AGBL1: variants seen among roughly 807,000 people sequenced by gnomAD.
The protein encoded by AGBL1 is AGBL carboxypeptidase 1.
A neutral mutation model predicts 118.9 loss-of-function variants in AGBL1; 130 were observed. That is an observed-to-expected ratio of 1.09 (90% CI 0.95 to 1.26). The LOEUF (loss-of-function observed/expected upper bound fraction) is 1.26. Among genes scored for constraint, AGBL1 ranks in the 50% most tolerant of loss-of-function variants. AGBL1 has a pLI of 0.00. For synonymous variants in AGBL1, 555 were observed against 478.9 expected, an observed-to-expected ratio of 1.16 and a Z score of -2.08; for missense variants, 1,584 against 1,298.1, an observed-to-expected ratio of 1.22 and a Z score of -3.38.
chr15:86,156,725 A>G (rs998961941), intron 4 of AGBL1, among the ~76,000 whole-genome samples: 1 of 146,480 alleles, frequency 6.8e-6, no homozygotes, highest in Admixed American at 6.8e-5. Context: ...GTGACTTTTT[A>G]TTTCTAATTA....
In AGBL1 at chr15:86,940,672, C is replaced by T. The variant is rs13380120; in HGVS notation, c.3222-47315C>T. 9.6e-3 allele frequency among the ~76,000 whole-genome samples: 1,460 copies of T among 152,264 alleles called. 22 individuals carry two copies. Among genetic ancestry groups the T allele is most frequent in the African/African-American group, 0.034 (1,404 of 41,548 alleles). ...CATCACCAAACCAAAACTGAGTTATCCAACTTGAGAAATCTGGAGGGAGAG... is the reference window on the plus strand; with the variant it reads ...CATCACCAAACCAAAACTGAGTTATTCAACTTGAGAAATCTGGAGGGAGAG... On this transcript the variant is annotated intron_variant, in intron 23 of 24. Transcript: ENST00000441037.
intron 17 of AGBL1, among the ~76,000 whole-genome samples, chr15:86,344,697 A>G (rs1169563446): frequency 1.3e-5 from 2 of 152,056 alleles, no homozygotes; most frequent in Non-Finnish European, 2.9e-5. Flanking sequence ...TAACACCTCC[A>G]TATGTGATTT....
In AGBL1 at chr15:86,958,221, A is replaced by G. The variant is rs542018527; in HGVS notation, c.3222-29766A>G. ...TCTTGTTTCTTAAAAAAAAAAAAAA[A>G]AAAGAAAAGAAAATGAAAGATGGTA... On this transcript the variant is annotated intron_variant, in intron 23 of 24. Transcript: ENST00000441037. Among the ~76,000 whole-genome samples, 683 of 151,346 alleles carry G rather than the reference A, an allele frequency of 4.5e-3. 8 individuals carry two copies. Among genetic ancestry groups the G allele is most frequent in the African/African-American group, 0.016 (663 of 41,300 alleles).
intron 18 of AGBL1, among the ~76,000 whole-genome samples, chr15:86,468,386 G>A (rs183393692): frequency 4.4e-4 from 67 of 152,286 alleles, no homozygotes; most frequent in African/African-American, 1.5e-3. Flanking sequence ...TAGAGAATGA[G>A]GCTTGTTAAG....
chr15:86,357,201 G>A (rs937581233), intron 17 of AGBL1, among the ~76,000 whole-genome samples: 8 of 152,092 alleles, frequency 5.3e-5, no homozygotes, highest in African/African-American at 1.9e-4. Context: ...GGCTGATGAA[G>A]GATTAAAGAG....
chr15:86,935,797 A>G (rs1596650194), intron 23 of AGBL1, among the ~76,000 whole-genome samples: 1 of 152,240 alleles, frequency 6.6e-6, no homozygotes, highest in East Asian at 1.9e-4. Context: ...ACTCAAGGTG[A>G]CAATTGTATG....
At chr15:86,587,408 G>A (rs763861714) in intron 21 of AGBL1, among the ~76,000 whole-genome samples, 7 of 152,132 alleles carry the variant, frequency 4.6e-5, no homozygotes, top group Admixed American at 6.5e-5. Context: ...TGGCAGCACC[G>A]TTTCAGTGTT....
chr15:86,966,279 CT>C (rs200070732), intron 23 of AGBL1, among the ~76,000 whole-genome samples: 16,952 of 130,196 alleles, frequency 0.13, 1,281 homozygotes, highest in East Asian at 0.27. Flanking sequence ...TGAACCATTT[CT>C]TTTTTTTTTT....
At chr15:86,500,157 A>G (rs1242167231) in intron 18 of AGBL1, among the ~76,000 whole-genome samples, 2 of 151,892 alleles carry the variant, frequency 1.3e-5, no homozygotes, top group African/African-American at 2.4e-5. Flanking sequence ...CCTGTTCATC[A>G]CAGAGGTGGG....
At chr15:86,673,125 A>G (rs2085775948) in intron 21 of AGBL1, among the ~76,000 whole-genome samples, 1 of 152,224 alleles carries the variant, frequency 6.6e-6, no homozygotes, top group Admixed American at 6.5e-5. Context: ...AATGTACTTT[A>G]TAAACAGGAA....
chr15:86,889,832 T>G (rs953371260), intron 22 of AGBL1, among the ~76,000 whole-genome samples: 6 of 152,230 alleles, frequency 3.9e-5, no homozygotes, highest in Non-Finnish European at 7.3e-5. Flanking sequence ...ACTTTGCTAT[T>G]GCGAATAGTG....
In AGBL1 at chr15:86,156,074, A is replaced by T. The variant is rs549392908; in HGVS notation, c.394+1513A>T. On this transcript the variant is annotated intron_variant, in intron 4 of 22. Coordinates refer to ENST00000614907, the MANE Select transcript of AGBL1 (RefSeq NM_001386094.1). ...GTAGCTGGGATCACAGGGACCTGCCATCATGCCTGGCTAATTTTTATATTT... is the reference window on the plus strand; with the variant it reads ...GTAGCTGGGATCACAGGGACCTGCCTTCATGCCTGGCTAATTTTTATATTT... 3.2e-4 allele frequency among the ~76,000 whole-genome samples: 48 copies of T among 152,244 alleles called. No homozygotes were observed. The South Asian group carries it at 9.7e-3, about 31-fold the overall frequency.
Position 86,209,862 on chromosome 15 carries a change from G to A in AGBL1, c.489-15052G>A, listed in dbSNP as rs191874903. Among the ~76,000 whole-genome samples the A allele has an allele frequency of 2.6e-3, 397 of 152,174 alleles. 4 individuals are homozygous for A. Among genetic ancestry groups the A allele is most frequent in the Non-Finnish European group, 2.7e-3 (181 of 68,000 alleles). On this transcript the variant is annotated intron_variant, in intron 5 of 22. Coordinates refer to ENST00000614907, the MANE Select transcript of AGBL1 (RefSeq NM_001386094.1). ...GTGAATTTTATCCTGTCATTATGACGTTAGCTGGTTATTTTGCCCATTAGT... is the reference window on the plus strand; with the variant it reads ...GTGAATTTTATCCTGTCATTATGACATTAGCTGGTTATTTTGCCCATTAGT...
intron 18 of AGBL1, among the ~76,000 whole-genome samples, chr15:86,400,490 GTT>G (rs11412401): frequency 7.0e-6 from 1 of 143,368 alleles, no homozygotes; most frequent in Non-Finnish European, 1.5e-5. Flanking sequence ...GGGGGAACAG[GTT>G]TTTTTTTTTT....
In AGBL1 at chr15:86,912,375, TG is replaced by T. The variant is rs2080364047; in HGVS notation, c.*5082del. 1 of 152,208 alleles carries T rather than the reference TG, an allele frequency of 6.6e-6. No homozygotes were observed. 9.4% of individuals were successfully genotyped at this position (152,208 alleles called of 1,614,324 possible). ...AGCTGCCACATTTACCCAGGGGCTC[TG>T]CCTCCTATGCTCCCTTTGGTGAGAA... On this transcript the variant is annotated 3_prime_UTR_variant, in exon 23 of 23. Transcript: ENST00000614907.
chr15:86,702,833 C>T (rs564530806), intron 22 of AGBL1, among the ~76,000 whole-genome samples: 25 of 147,208 alleles, frequency 1.7e-4, no homozygotes, highest in Non-Finnish European at 3.1e-4. Flanking sequence ...TTTTTCCTTG[C>T]CCAGTCTCCT....
intron 22 of AGBL1, among the ~76,000 whole-genome samples, chr15:86,900,064 A>G (rs2141578453): frequency 6.6e-6 from 1 of 152,238 alleles, no homozygotes; most frequent in African/African-American, 2.4e-5. Flanking sequence ...TTGGACTCTA[A>G]GTTCTTCAAC....
intron 6 of AGBL1, among the ~76,000 whole-genome samples, chr15:86,230,616 T>G (rs2078440526): frequency 6.6e-6 from 1 of 152,236 alleles, no homozygotes; most frequent in Admixed American, 6.5e-5. Flanking sequence ...TCCTTTAGTT[T>G]CCAGATGAGG....
intron 18 of AGBL1, among the ~76,000 whole-genome samples, chr15:86,497,670 T>C (rs1037614441): frequency 1.3e-5 from 2 of 151,890 alleles, no homozygotes; most frequent in African/African-American, 4.8e-5. Flanking sequence ...TGCTTAGTCA[T>C]ATAACCTGGA....
Sources: gnomAD v4.1 joint callset for allele counts (sites outside exome capture counted in the v4.1 genomes callset) on GRCh38, gnomAD v4.1.1 for gene constraint, MANE v1.5 for transcripts, NCBI Gene and HGNC (gene_info 2026-07-23, HGNC 2026-07-21) for gene names.